The following KANK1 variants were observed in gnomAD, a reference collection of about 807,000 sequenced individuals.
KANK1 encodes KN motif and ankyrin repeat domain-containing protein 1.
Under a neutral mutation model 106.2 loss-of-function variants are expected in KANK1, and 109 were observed. The ratio of observed to expected loss-of-function variants is 1.03; its 90% CI spans 0.88 to 1.20. The LOEUF (loss-of-function observed/expected upper bound fraction) is 1.20. Among genes scored for constraint, KANK1 ranks in the 50% most tolerant of loss-of-function variants. KANK1 has a pLI of 0.00. For synonymous variants in KANK1, 873 were observed against 652.2 expected, an observed-to-expected ratio of 1.34 and a Z score of -5.16; for missense variants, 2,399 against 1,710.7, an observed-to-expected ratio of 1.40 and a Z score of -7.10.
At chr9:558,027 C>G (rs139099350) in intron 1 of KANK1, among the ~76,000 whole-genome samples, 1 of 151,978 alleles carries the variant, frequency 6.6e-6, no homozygotes, top group Non-Finnish European at 1.5e-5. Context: ...CAAACCTATA[C>G]GAACAATGGT....
chr9:664,267 C>G (rs1325131772), intron 1 of KANK1, among the ~76,000 whole-genome samples: 3 of 152,156 alleles, frequency 2.0e-5, no homozygotes, highest in African/African-American at 7.2e-5. Context: ...AGTCTACTCT[C>G]TATCCTCATG....
At chr9:562,601 C>T (rs1244681805) in intron 1 of KANK1, among the ~76,000 whole-genome samples, 1 of 152,158 alleles carries the variant, frequency 6.6e-6, no homozygotes, top group Admixed American at 6.5e-5. Flanking sequence ...GCTGTAGTTT[C>T]TTAACCTGCA....
At chr9:709,443 C>G (rs937187363) in intron 2 of KANK1, among the ~76,000 whole-genome samples, 21 of 152,142 alleles carry the variant, frequency 1.4e-4, no homozygotes, top group Admixed American at 3.9e-4. Context: ...CATCTCATCC[C>G]AGGCCTCCTG....
chr9:662,849 A>G (rs1200211580), intron 1 of KANK1, among the ~76,000 whole-genome samples: 1 of 151,946 alleles, frequency 6.6e-6, no homozygotes, highest in African/African-American at 2.4e-5. Context: ...TTTAGTAGAG[A>G]TGGGGTTTCA....
chr9:663,145 A>C (rs1317967951), intron 1 of KANK1, among the ~76,000 whole-genome samples: 1 of 152,194 alleles, frequency 6.6e-6, no homozygotes, highest in Non-Finnish European at 1.5e-5. Flanking sequence ...ATTAAAGGAA[A>C]AATTTTTGCT....
intron 1 of KANK1, among the ~76,000 whole-genome samples, chr9:665,891 T>C (rs1305588817): frequency 6.6e-6 from 1 of 152,136 alleles, no homozygotes; most frequent in Admixed American, 6.5e-5. Context: ...TTAAATTGAT[T>C]CTCAGGGGCC....
chr9:735,726 G>A, intron 7 of KANK1: 1 of 442,442 alleles, frequency 2.3e-6, no homozygotes, highest in Non-Finnish European at 4.7e-6. Context: ...AGGTGCAGTG[G>A]CTGACACCTA....
At chr9:635,717 G>C in intron 1 of KANK1, among the ~76,000 whole-genome samples, 1 of 12,996 alleles carries the variant, frequency 7.7e-5, no homozygotes, top group Admixed American at 8.1e-4. Flanking sequence ...TTTTTTTTTT[G>C]AGACGGAGTC....
At chr9:563,867 A>C (rs930245166) in intron 1 of KANK1, among the ~76,000 whole-genome samples, 1 of 152,158 alleles carries the variant, frequency 6.6e-6, no homozygotes, top group African/African-American at 2.4e-5. Context: ...AGACTAGCAC[A>C]GGGCACACAT....
chr9:540,333 A>G (rs995134076), intron 1 of KANK1, among the ~76,000 whole-genome samples: 13 of 152,172 alleles, frequency 8.5e-5, no homozygotes, highest in African/African-American at 3.1e-4. Context: ...GTATTAGTTA[A>G]TTTTAATTAA....
rs150595545 is a variant in KANK1 at position 638,055 on chromosome 9, G to A, written c.-83-38835G>A. Among the ~76,000 whole-genome samples, 1,044 of 152,280 alleles carry A rather than the reference G, an allele frequency of 6.9e-3. 12 individuals carry two copies. The highest frequency in any genetic ancestry group is 0.022 in the African/African-American group (932 of 41,548). On this transcript the variant is annotated intron_variant, in intron 1 of 11. Coordinates refer to ENST00000382297, the MANE Select transcript of KANK1 (RefSeq NM_015158.5). ...CATCACATCCAGGTTACATACAGAT[G>A]CACACTGTTTAATAGCCAAGCTTAT... is the stretch of plus-strand genomic sequence containing the variant.
intron 1 of KANK1, among the ~76,000 whole-genome samples, chr9:663,983 A>T (rs1395648363): frequency 6.6e-6 from 1 of 151,954 alleles, no homozygotes; most frequent in African/African-American, 2.4e-5. Context: ...CTGTATCCTC[A>T]CCCAGATCTC....
chr9:525,911 T>C (rs2059770773), intron 1 of KANK1, among the ~76,000 whole-genome samples: 1 of 151,652 alleles, frequency 6.6e-6, no homozygotes, highest in South Asian at 2.1e-4. Flanking sequence ...ACCCAGAGGA[T>C]CAATATTTTT....
At chr9:578,553 C>G (rs529120048) in intron 1 of KANK1, among the ~76,000 whole-genome samples, 2 of 152,044 alleles carry the variant, frequency 1.3e-5, no homozygotes, top group East Asian at 1.9e-4. Flanking sequence ...TTGTTTTCCC[C>G]TGGAACATCA....
At position 529,234 on chromosome 9, in the gene KANK1, T is replaced by TATAC. The variant is rs1554613765; in HGVS notation, c.-84+24481_-84+24482insTACA. Among the ~76,000 whole-genome samples, 1,207 of 148,774 alleles carry TATAC rather than the reference T, an allele frequency of 8.1e-3. 25 individuals are homozygous for TATAC. Among genetic ancestry groups the TATAC allele is most frequent in the African/African-American group, 0.027 (1,072 of 40,202 alleles). ...ATAACTCTGTTAATATATATATATA[T>TATAC]ACACACACACACACACACACATATA... On this transcript the variant is annotated intron_variant, in intron 1 of 11. Coordinates refer to ENST00000382297, the MANE Select transcript of KANK1 (RefSeq NM_015158.5).
intron 1 of KANK1, among the ~76,000 whole-genome samples, chr9:672,197 G>A (rs1815327824): frequency 6.6e-6 from 1 of 152,196 alleles, no homozygotes; most frequent in African/African-American, 2.4e-5. Context: ...CTAGCTGTGT[G>A]ATGTGAGCAA....
intron 1 of KANK1, among the ~76,000 whole-genome samples, chr9:515,966 T>C (rs1334572547): frequency 6.6e-6 from 1 of 151,860 alleles, no homozygotes; most frequent in Non-Finnish European, 1.5e-5. Flanking sequence ...GCACCTATTT[T>C]ATCCTCTCAG....
At chr9:492,474 A>C (rs2058393937) in intron 3 of KANK1, among the ~76,000 whole-genome samples, 1 of 152,148 alleles carries the variant, frequency 6.6e-6, no homozygotes, top group South Asian at 2.1e-4. Flanking sequence ...CCTTTCTGTA[A>C]AATGAGGCAA....
chr9:479,438 C>T (rs2058165037), intron 3 of KANK1, among the ~76,000 whole-genome samples: 1 of 152,168 alleles, frequency 6.6e-6, no homozygotes, highest in South Asian at 2.1e-4. Context: ...ACAGACATCT[C>T]CACATAAATG....
Sources: gnomAD v4.1 joint callset for allele counts (sites outside exome capture counted in the v4.1 genomes callset) on GRCh38, gnomAD v4.1.1 for gene constraint, MANE v1.5 for transcripts, NCBI Gene and HGNC (gene_info 2026-07-23, HGNC 2026-07-21) for gene names.